The following JMJD1C variants were observed in gnomAD, a reference collection of about 807,000 sequenced individuals.
The protein encoded by JMJD1C is jumonji domain-containing protein 1C.
A neutral mutation model predicts 245.3 loss-of-function variants in JMJD1C; 31 were observed. The ratio of observed to expected loss-of-function variants is 0.13; its 90% confidence interval spans 0.09 to 0.17. JMJD1C has a LOEUF of 0.17. Ranked by LOEUF, JMJD1C falls within the 10% of genes least tolerant of loss-of-function variation. The probability of loss-of-function intolerance (pLI) is 1.00; values close to 1 mark genes in which losing one functional copy is unlikely to be tolerated. For missense variants in JMJD1C, 2,691 were observed against 3,000.2 expected, an observed-to-expected ratio of 0.90 and a Z score of 2.41; for synonymous variants, 1,057 against 1,017.4, an observed-to-expected ratio of 1.04 and a Z score of -0.74.
chr10:63,185,319 A>G (rs1358098174), intron 20 of JMJD1C, among the ~76,000 whole-genome samples: 1 of 152,044 alleles, frequency 6.6e-6, no homozygotes, highest in Admixed American at 6.6e-5. Context: ...TTTTGTAGAG[A>G]TAAGGTTTTG....
intron 1 of JMJD1C, 71 bp from the exon 2 acceptor site, chr10:63,380,553 A>T: frequency 8.5e-7 from 1 of 1,172,348 alleles, no homozygotes; most frequent in Non-Finnish European, 1.2e-6. Context: ...ACTAATGCAT[A>T]ATAATTGTAC....
At chr10:63,427,818 T>C in intron 1 of JMJD1C, 1 of 1,111,762 alleles carries the variant, frequency 9.0e-7, no homozygotes, top group Non-Finnish European at 1.4e-6. Flanking sequence ...GCAAGGCCCC[T>C]TCTAAAACAC....
intron 2 of JMJD1C, among the ~76,000 whole-genome samples, chr10:63,364,943 G>A (rs558205371): frequency 6.6e-6 from 1 of 152,052 alleles, no homozygotes; most frequent in Non-Finnish European, 1.5e-5. Flanking sequence ...GATAATTTTG[G>A]TTCCATGGCT....
Position 63,302,324 on chromosome 10 carries a change from T to A in JMJD1C, c.334-37560A>T, listed in dbSNP as rs140613622. On this transcript the variant is annotated intron_variant, in intron 2 of 25. Transcript: ENST00000399262. ...GAAGAAAAATGCCTGAGTAAATGAA[T>A]ATATATAATTAGAAATGCATTCCAC... Among the ~76,000 whole-genome samples, 28 of 152,330 alleles carry A rather than the reference T, an allele frequency of 1.8e-4. No homozygotes were observed. The East Asian group carries it at 5.4e-3, about 29-fold the overall frequency.
intron 1 of JMJD1C, among the ~76,000 whole-genome samples, chr10:63,396,556 G>A (rs939361638): frequency 6.6e-6 from 1 of 152,068 alleles, no homozygotes; most frequent in Non-Finnish European, 1.5e-5. Flanking sequence ...GATATACAAC[G>A]GGCAATGTAG....
In JMJD1C at chr10:63,213,457, C is replaced by T. The variant is rs1401103621; in HGVS notation, c.2694+16G>A. 2.7e-6 allele frequency: 4 copies of T among 1,477,376 alleles called. No individual in the cohort carries two copies. In the South Asian group the frequency reaches 3.6e-5, roughly 13 times the overall value. The allele number at this position is 1,477,376 out of a possible 1,614,324, so 91.5% of individuals were successfully genotyped here. ...TTAATATATACTGCTATGTGGCAAA[C>T]TACAGTGTAACTTACCCTCCTTAAT... On this transcript the variant is annotated intron_variant, in intron 8 of 25. Transcript: ENST00000399262.
intron 1 of JMJD1C, among the ~76,000 whole-genome samples, chr10:63,433,780 T>G (rs1239179938): frequency 6.6e-6 from 1 of 150,906 alleles, no homozygotes; most frequent in Non-Finnish European, 1.5e-5. Context: ...GGGGTCCCAC[T>G]ATGTTACCCA....
At chr10:63,232,413 T>C (rs12767847) in intron 3 of JMJD1C, among the ~76,000 whole-genome samples, 30,708 of 152,176 alleles carry the variant, frequency 0.2, 4,074 homozygotes, top group Non-Finnish European at 0.29. Flanking sequence ...TTTACTTTTA[T>C]CTATGAAAAG....
intron 22 of JMJD1C, among the ~76,000 whole-genome samples, chr10:63,181,039 G>GT (rs1189344459): frequency 6.6e-6 from 1 of 152,044 alleles, no homozygotes; most frequent in African/African-American, 2.4e-5. Flanking sequence ...AATAATTTTT[G>GT]TATTTTTAAT....
chr10:63,315,014 C>T (rs1939776204), intron 2 of JMJD1C, among the ~76,000 whole-genome samples: 1 of 147,376 alleles, frequency 6.8e-6, no homozygotes, highest in South Asian at 2.1e-4. Flanking sequence ...AGTGCAGCAG[C>T]ACGATCTTGG....
chr10:63,501,883 A>C (rs1280469115), intron 1 of JMJD1C, among the ~76,000 whole-genome samples: 1 of 152,190 alleles, frequency 6.6e-6, no homozygotes, highest in East Asian at 1.9e-4. Context: ...CAAACTGATA[A>C]TGGTCCTAAG....
chr10:63,202,793 A>G (rs182789530), intron 10 of JMJD1C: 1 of 984,616 alleles, frequency 1.0e-6, no homozygotes, highest in Admixed American at 6.1e-5. Flanking sequence ...TGTGTAAAAT[A>G]TTCAGAGCTT....
chr10:63,339,420 GAAT>G (rs1943167573), intron 2 of JMJD1C, among the ~76,000 whole-genome samples: 1 of 152,190 alleles, frequency 6.6e-6, no homozygotes, highest in Non-Finnish European at 1.5e-5. Context: ...AATGGTGGAG[GAAT>G]GAACAAAACA....
At chr10:63,248,153 A>C (rs1234307684) in intron 3 of JMJD1C, among the ~76,000 whole-genome samples, 1 of 151,654 alleles carries the variant, frequency 6.6e-6, no homozygotes, top group Non-Finnish European at 1.5e-5. Flanking sequence ...ACCACAATTA[A>C]ACATTTTTAT....
intron 2 of JMJD1C, among the ~76,000 whole-genome samples, chr10:63,304,110 ATCTT>A (rs1937667366): frequency 1.3e-5 from 2 of 152,200 alleles, no homozygotes; most frequent in Non-Finnish European, 2.9e-5. Context: ...TCCTGGCAGT[ATCTT>A]TCTATCAGAG....
At chr10:63,502,961 T>C (rs369510937) in intron 1 of JMJD1C, among the ~76,000 whole-genome samples, 4 of 152,186 alleles carry the variant, frequency 2.6e-5, no homozygotes, top group Admixed American at 6.5e-5. Flanking sequence ...TCACCCAATA[T>C]GCCAAGTGCT....
At chr10:63,243,860 T>G (rs988251338) in intron 3 of JMJD1C, among the ~76,000 whole-genome samples, 1 of 152,120 alleles carries the variant, frequency 6.6e-6, no homozygotes, top group South Asian at 2.1e-4. Context: ...GACTTTCTAT[T>G]TATTTATTTT....
chr10:63,421,789 C>CTAA (rs1379570217), intron 1 of JMJD1C, among the ~76,000 whole-genome samples: 2 of 152,090 alleles, frequency 1.3e-5, no homozygotes, highest in African/African-American at 4.8e-5. Flanking sequence ...CTTCTCTTAC[C>CTAA]CTGTCATACA....
intron 2 of JMJD1C, among the ~76,000 whole-genome samples, chr10:63,267,620 T>C (rs1855751939): frequency 3.3e-5 from 5 of 152,184 alleles, no homozygotes; most frequent in Admixed American, 3.3e-4. Context: ...CACAGTAGAA[T>C]ATGGCCCTAA....
Sources: gnomAD v4.1 joint callset for allele counts (sites outside exome capture counted in the v4.1 genomes callset) on GRCh38, gnomAD v4.1.1 for gene constraint, MANE v1.5 for transcripts, NCBI Gene and HGNC (gene_info 2026-07-23, HGNC 2026-07-21) for gene names.